The following LHFPL3 variants were observed in gnomAD, a reference collection of about 807,000 sequenced individuals.
LHFPL3 encodes LHFPL tetraspan subfamily member 3.
LHFPL3 carries 5 observed loss-of-function variants against 19.3 expected under a neutral mutation model. That is an observed-to-expected ratio of 0.26 (90% CI 0.14 to 0.54). LHFPL3 has a LOEUF of 0.54. Ranked by LOEUF, LHFPL3 falls within the 20% of genes least tolerant of loss-of-function variation. The pLI, the probability that LHFPL3 is intolerant of heterozygous loss-of-function variation, is 0.94. For missense variants in LHFPL3, 249 were observed against 307.4 expected (o/e 0.81, Z 1.42); for synonymous variants, 133 against 126.2 (o/e 1.05, Z -0.36).
chr7:104,824,630 ATATTATTTTATAT>A (rs1163030849), intron 2 of LHFPL3, among the ~76,000 whole-genome samples: 2 of 85,898 alleles, frequency 2.3e-5, no homozygotes, highest in African/African-American at 4.9e-5. Context: ...TATTTTATAT[ATATTATTTTATAT>A]ATTATATATA....
chr7:104,717,492 A>T (rs1239172411), intron 1 of LHFPL3, among the ~76,000 whole-genome samples: 4 of 152,182 alleles, frequency 2.6e-5, no homozygotes, highest in Admixed American at 2.6e-4. Context: ...AAAATGGGCT[A>T]AAGACTTGAA....
At chr7:104,860,463 G>C (rs1403747409) in intron 2 of LHFPL3, among the ~76,000 whole-genome samples, 4 of 152,136 alleles carry the variant, frequency 2.6e-5, no homozygotes, top group South Asian at 2.1e-4. Flanking sequence ...GGGGTTCACT[G>C]TATGTGCAAA....
intron 1 of LHFPL3, among the ~76,000 whole-genome samples, chr7:104,440,413 G>A (rs1173083150): frequency 2.0e-5 from 3 of 150,664 alleles, no homozygotes; most frequent in South Asian, 2.1e-4. Flanking sequence ...GGGGCCTGTC[G>A]TGGGGTGGGG....
At chr7:104,426,979 A>G (rs1370262212) in intron 1 of LHFPL3, among the ~76,000 whole-genome samples, 2 of 152,224 alleles carry the variant, frequency 1.3e-5, no homozygotes, top group African/African-American at 4.8e-5. Context: ...TCAAAAATAT[A>G]TAATGAATAA....
intron 1 of LHFPL3, among the ~76,000 whole-genome samples, chr7:104,418,712 GA>G (rs1791672105): frequency 6.6e-6 from 1 of 152,212 alleles, no homozygotes; most frequent in African/African-American, 2.4e-5. Context: ...AAGACTCAGA[GA>G]AGGGTCAGGT....
At position 104,390,348 on chromosome 7, in the gene LHFPL3, C is replaced by A. The variant is rs1562883160; in HGVS notation, c.445+61124C>A. The stretch of plus-strand genomic sequence containing the variant: ...GCTATCCCTCCCCCCTGCCCCCACC[C>A]CACAACAGGCCCCAGTGTGTAGTGT... On this transcript the variant is annotated intron_variant, in intron 1 of 2. Coordinates refer to ENST00000424859, the MANE Select transcript of LHFPL3 (RefSeq NM_199000.3). Among the ~76,000 whole-genome samples, 7 of 151,888 alleles carry A rather than the reference C, an allele frequency of 4.6e-5. No homozygotes were observed. In the South Asian group the frequency reaches 1.5e-3, roughly 32 times the overall value.
intron 2 of LHFPL3, among the ~76,000 whole-genome samples, chr7:104,754,065 C>G (rs987109327): frequency 9.9e-5 from 15 of 152,078 alleles, no homozygotes; most frequent in Admixed American, 8.5e-4. Context: ...TAGAGCATTA[C>G]TTGTGGTGGG....
chr7:104,867,067 A>G (rs1791738619), intron 2 of LHFPL3, among the ~76,000 whole-genome samples: 1 of 152,246 alleles, frequency 6.6e-6, no homozygotes, highest in Non-Finnish European at 1.5e-5. Context: ...TCTGGGACAC[A>G]TTCAAAGCAG....
chr7:104,432,958 T>C (rs1239880409), intron 1 of LHFPL3, among the ~76,000 whole-genome samples: 2 of 152,170 alleles, frequency 1.3e-5, no homozygotes, highest in African/African-American at 2.4e-5. Flanking sequence ...CCTCACTGTT[T>C]CATTCAGTAC....
At chr7:104,883,320 A>C (rs879421140) in intron 2 of LHFPL3, among the ~76,000 whole-genome samples, 1 of 152,216 alleles carries the variant, frequency 6.6e-6, no homozygotes, top group Admixed American at 6.5e-5. Context: ...TTAAAAACTG[A>C]TATTAATAGT....
intron 1 of LHFPL3, among the ~76,000 whole-genome samples, chr7:104,430,406 A>ATG (rs1562895151): frequency 2.3e-3 from 71 of 31,352 alleles, no homozygotes; most frequent in African/African-American, 0.011. Flanking sequence ...ATATATATAC[A>ATG]TATATATATA....
At chr7:104,839,721 C>T (rs1177976847) in intron 2 of LHFPL3, among the ~76,000 whole-genome samples, 1 of 152,078 alleles carries the variant, frequency 6.6e-6, no homozygotes, top group Non-Finnish European at 1.5e-5. Context: ...TCTGGCTGTC[C>T]ACAGAGGCTC....
At chr7:104,397,553 C>T (rs926883425) in intron 1 of LHFPL3, among the ~76,000 whole-genome samples, 18 of 151,978 alleles carry the variant, frequency 1.2e-4, no homozygotes, top group African/African-American at 4.1e-4. Context: ...TATACTTTAC[C>T]CCTAGTTTCC....
intron 1 of LHFPL3, among the ~76,000 whole-genome samples, chr7:104,410,597 T>C: frequency 6.6e-6 from 1 of 152,210 alleles, no homozygotes; most frequent in East Asian, 1.9e-4. Context: ...CAAATCAAAA[T>C]ATTTCACCAT....
At chr7:104,673,882 T>C (rs1792534304) in intron 1 of LHFPL3, among the ~76,000 whole-genome samples, 1 of 152,224 alleles carries the variant, frequency 6.6e-6, no homozygotes. Flanking sequence ...GTTGGAAATG[T>C]ATCTATGTGA....
intron 1 of LHFPL3, among the ~76,000 whole-genome samples, chr7:104,575,407 A>C (rs1337080785): frequency 1.3e-5 from 2 of 152,124 alleles, no homozygotes; most frequent in African/African-American, 4.8e-5. Context: ...TATTTATAGA[A>C]TATAACAGAA....
chr7:104,452,879 T>C (rs1478914904), intron 1 of LHFPL3, among the ~76,000 whole-genome samples: 1 of 152,164 alleles, frequency 6.6e-6, no homozygotes, highest in Admixed American at 6.5e-5. Context: ...TAAATTAAAA[T>C]TCATCCATAG....
intron 1 of LHFPL3, among the ~76,000 whole-genome samples, chr7:104,606,108 G>A (rs970986547): frequency 6.6e-6 from 1 of 152,102 alleles, no homozygotes; most frequent in Non-Finnish European, 1.5e-5. Flanking sequence ...CAAGTGTCCT[G>A]CCTTGGCCTC....
intron 2 of LHFPL3, among the ~76,000 whole-genome samples, chr7:104,799,225 G>A (rs975685523): frequency 2.6e-5 from 4 of 152,188 alleles, no homozygotes; most frequent in Non-Finnish European, 5.9e-5. Context: ...CCTCCTTGCA[G>A]AGATGAAAAT....
Sources: gnomAD v4.1 joint callset for allele counts (sites outside exome capture counted in the v4.1 genomes callset) on GRCh38, gnomAD v4.1.1 for gene constraint, MANE v1.5 for transcripts, NCBI Gene and HGNC (gene_info 2026-07-23, HGNC 2026-07-21) for gene names.